The following MORC1 variants were observed in gnomAD, a reference collection of about 807,000 sequenced individuals.
The protein encoded by MORC1 is MORC family CW-type zinc finger 1.
Under a neutral mutation model 134.9 loss-of-function variants are expected in MORC1, and 59 were observed. The ratio of observed to expected loss-of-function variants is 0.44; its 90% CI spans 0.35 to 0.54. The LOEUF is 0.54. MORC1 is among the 20% of genes least tolerant of loss of function. The pLI is 0.00. For missense variants in MORC1, 947 were observed against 1,134.5 expected (o/e 0.83, Z 2.37); for synonymous variants, 395 against 391.7 (o/e 1.01, Z -0.10).
intron 3 of MORC1, chr3:109,110,391 T>G (rs1182916015): frequency 5.1e-6 from 1 of 194,440 alleles, no homozygotes; most frequent in African/African-American, 2.4e-5. Flanking sequence ...CGTACACACT[T>G]TGAAACTACT....
At chr3:109,108,906 A>C (rs1247942134) in intron 3 of MORC1, among the ~76,000 whole-genome samples, 1 of 151,844 alleles carries the variant, frequency 6.6e-6, no homozygotes, top group African/African-American at 2.4e-5. Flanking sequence ...TCTCACAAAA[A>C]AAAAAAAAAA....
rs140059081 is a variant in MORC1 at position 109,099,542 on chromosome 3, C to T, written c.315-76G>A. On this transcript the variant is annotated intron_variant, in intron 5 of 27. Transcript: ENST00000232603. ...GAAGAAACAGGCAGACTGTTATCAC[C>T]GTGTACTGTAACAGGATGTTCTTTC... The T allele has an allele frequency of 7.9e-5, 83 of 1,053,758 alleles. 2 individuals carry two copies. In the South Asian group the frequency reaches 1.2e-3, roughly 15 times the overall value. 65.3% of individuals were successfully genotyped at this position (1,053,758 alleles called of 1,614,324 possible).
chr3:109,033,961 A>G (rs1257961457), intron 15 of MORC1, among the ~76,000 whole-genome samples: 2 of 152,194 alleles, frequency 1.3e-5, no homozygotes, highest in African/African-American at 4.8e-5. Flanking sequence ...TTCTAACAGT[A>G]CCTGGTACAA....
intron 8 of MORC1, 100 bp from the exon 9 acceptor site, chr3:109,069,857 C>G: frequency 8.3e-7 from 1 of 1,202,390 alleles, no homozygotes; most frequent in Non-Finnish European, 1.1e-6. Flanking sequence ...ATTGTTACTA[C>G]AAGAAGCTTC....
At chr3:109,047,416 T>C (rs1173190487) in intron 14 of MORC1, among the ~76,000 whole-genome samples, 1 of 152,154 alleles carries the variant, frequency 6.6e-6, no homozygotes, top group African/African-American at 2.4e-5. Context: ...GCAAAAAACT[T>C]CATTGTAGAT....
At chr3:109,022,134 C>T (rs961104704) in intron 17 of MORC1, among the ~76,000 whole-genome samples, 1 of 152,116 alleles carries the variant, frequency 6.6e-6, no homozygotes, top group Non-Finnish European at 1.5e-5. Context: ...TCTTGTTAGA[C>T]AAGGGCCTTT....
rs1182472097 is a variant in MORC1 at position 108,962,728 on chromosome 3, T to C, written c.2799+686A>G. 2.0e-5 allele frequency among the ~76,000 whole-genome samples: 3 copies of C among 152,176 alleles called. No homozygotes were observed. In the East Asian group the frequency reaches 5.8e-4, roughly 29 times the overall value. ...ACATATATTTTCAGTTTTGTTGTAT[T>C]TTATGCAACATTTCCATGTGCTATA... On this transcript the variant is annotated intron_variant, in intron 27 of 27. Transcript: ENST00000232603.
chr3:109,040,353 T>TGAAAGAATGAAAGAAA lies in MORC1; in HGVS notation c.1331-4886_1331-4885insTTTCTTTCATTCTTTC, dbSNP rs1553753592. On this transcript the variant is annotated intron_variant, in intron 14 of 27. Coordinates refer to ENST00000232603, the MANE Select transcript of MORC1 (RefSeq NM_014429.4). ...ACTGTCTCAAAGACACTCAAAGAAC[T>TGAAAGAATGAAAGAAA]GAAAGAAAGAAAGAAAGAAAGAAAG... Among the ~76,000 whole-genome samples the TGAAAGAATGAAAGAAA allele has an allele frequency of 7.4e-4, 21 of 28,220 alleles. 1 individual carries two copies. The highest frequency in any genetic ancestry group is 6.2e-3 in the South Asian group (5 of 804). 18.5% of individuals were successfully genotyped at this position (28,220 alleles called of 152,430 possible). A position where few individuals can be genotyped will look rare whatever the true frequency, so the allele number is the denominator to read the frequency against.
intron 15 of MORC1, among the ~76,000 whole-genome samples, chr3:109,033,346 G>GGAAGGAAGGA (rs1487835216): frequency 6.3e-5 from 8 of 126,834 alleles, no homozygotes; most frequent in Non-Finnish European, 1.2e-4. Context: ...GGAAGGAAGG[G>GGAAGGAAGGA]AAGTTAGTTT....
chr3:109,059,341 T>A (rs979828011), intron 12 of MORC1, among the ~76,000 whole-genome samples: 4 of 152,134 alleles, frequency 2.6e-5, no homozygotes, highest in Admixed American at 2.6e-4. Context: ...CTATTTTCAT[T>A]TTTAGCGATA....
chr3:109,103,859 G>A lies in MORC1; in HGVS notation c.213C>T (p.Gly71=). ...FMLCFLDDGC[G]MSPEEASDII... Reference sequence around the variant, plus strand: ...AGATAATTAACTTACCAGGGCTCATGCCACATCCATCATCCAGGAAACACA... The same window carrying A: ...AGATAATTAACTTACCAGGGCTCATACCACATCCATCATCCAGGAAACACA... The change falls in exon 4 of 28, where the codon GGC becomes GGT. Residue 71 remains glycine (G), a synonymous_variant. Transcript: ENST00000232603. 6.2e-7 allele frequency: 1 copy of A among 1,613,682 alleles called. No individual in the cohort carries two copies. The highest frequency in any genetic ancestry group is 1.1e-5 in the South Asian group (1 of 91,068).
intron 11 of MORC1, among the ~76,000 whole-genome samples, 191 bp from the exon 12 acceptor site, chr3:109,060,061 C>T (rs573571735): frequency 1.3e-5 from 2 of 152,058 alleles, no homozygotes; most frequent in Non-Finnish European, 2.9e-5. Context: ...AAACCAAATC[C>T]TAACCCACTA....
intron 14 of MORC1, among the ~76,000 whole-genome samples, chr3:109,041,859 G>A (rs1949560549): frequency 6.6e-6 from 1 of 151,772 alleles, no homozygotes; most frequent in African/African-American, 2.4e-5. Flanking sequence ...CATGAGAATT[G>A]TTTGAACCCA....
At chr3:109,025,697 T>C (rs995804245) in intron 17 of MORC1, among the ~76,000 whole-genome samples, 1 of 152,186 alleles carries the variant, frequency 6.6e-6, no homozygotes, top group Non-Finnish European at 1.5e-5. Flanking sequence ...TATATAACTT[T>C]CTTTGATTGA....
chr3:109,076,939 C>T (rs1186038226), intron 8 of MORC1, among the ~76,000 whole-genome samples: 1 of 142,528 alleles, frequency 7.0e-6, no homozygotes. Flanking sequence ...AACAAACCTG[C>T]AAGTTCTGCA....
intron 23 of MORC1, among the ~76,000 whole-genome samples, chr3:108,981,464 A>G (rs1362635387): frequency 6.6e-6 from 1 of 152,144 alleles, no homozygotes; most frequent in Admixed American, 6.5e-5. Flanking sequence ...AATGCTCATT[A>G]GTTATAACCT....
At chr3:109,061,723 T>TG (rs1343033578) in intron 11 of MORC1, among the ~76,000 whole-genome samples, 1 of 152,184 alleles carries the variant, frequency 6.6e-6, no homozygotes, top group African/African-American at 2.4e-5. Flanking sequence ...AGAAATGGGT[T>TG]GTGATGCTGT....
At chr3:109,009,196 C>T (rs1408130898) in intron 17 of MORC1, among the ~76,000 whole-genome samples, 2 of 141,818 alleles carry the variant, frequency 1.4e-5, no homozygotes, top group African/African-American at 2.6e-5. Flanking sequence ...CCTATTTTTA[C>T]GTTTTTTGTT....
chr3:108,976,653 A>G (rs1293627711), intron 24 of MORC1, among the ~76,000 whole-genome samples: 3 of 152,200 alleles, frequency 2.0e-5, no homozygotes, highest in African/African-American at 7.2e-5. Flanking sequence ...TGTTCTGTCC[A>G]AATTTTTTTA....
Sources: allele counts gnomAD v4.1 joint callset (sites outside exome capture counted in the v4.1 genomes callset), GRCh38; gene constraint gnomAD v4.1.1; transcripts MANE v1.5; gene names NCBI Gene and HGNC (gene_info 2026-07-23, HGNC 2026-07-21).